Variants in METTL21A observed in about 807,000 individuals in gnomAD.
The protein encoded by METTL21A is protein N-lysine methyltransferase METTL21A.
A neutral mutation model predicts 20.9 loss-of-function variants in METTL21A; 22 were observed. That is an observed-to-expected ratio of 1.05 (90% CI 0.75 to 1.50). The LOEUF (loss-of-function observed/expected upper bound fraction) is 1.50, where lower values mean the gene tolerates loss of function less well. Ranked by LOEUF, METTL21A falls within the 40% of genes most tolerant of loss-of-function variation. The pLI, the probability that METTL21A is intolerant of heterozygous loss-of-function variation, is 0.00. For synonymous variants in METTL21A, 93 were observed against 102.0 expected (o/e 0.91, Z 0.53); for missense variants, 271 against 266.8 (o/e 1.02, Z -0.11).
At chr2:207,613,127 A>G (rs2089196920) in exon 4 of METTL21A, 2 of 1,612,178 alleles carry the variant, frequency 1.2e-6, no homozygotes, top group Non-Finnish European at 8.5e-7. Flanking sequence ...CCTTTCTCAC[A>G]GTAAATTGCC....
chr2:207,593,718 ACT>A (rs2085526451), intron 3 of METTL21A, among the ~76,000 whole-genome samples: 2 of 126,528 alleles, frequency 1.6e-5, no homozygotes, highest in African/African-American at 6.0e-5. Context: ...ATCCTCACAA[ACT>A]TTTTTTTTTT....
intron 3 of METTL21A, among the ~76,000 whole-genome samples, chr2:207,593,783 A>G (rs913695419): frequency 1.4e-5 from 2 of 140,662 alleles, no homozygotes; most frequent in Non-Finnish European, 3.0e-5. Flanking sequence ...CAGTGGCGCT[A>G]TCTTGGCTCA....
intron 3 of METTL21A, chr2:207,620,815 A>G: frequency 1.1e-6 from 1 of 872,290 alleles, no homozygotes; most frequent in South Asian, 1.8e-5. Context: ...AAATAGTGAA[A>G]AAGTATTGGG....
chr2:207,587,333 C>T (rs974851522), intron 3 of METTL21A, among the ~76,000 whole-genome samples: 3 of 150,054 alleles, frequency 2.0e-5, no homozygotes, highest in African/African-American at 7.4e-5. Flanking sequence ...GCAGAGCTTG[C>T]AGTGAGCCGA....
At chr2:207,585,602 G>A (rs1231415855) in intron 3 of METTL21A, among the ~76,000 whole-genome samples, 3 of 152,158 alleles carry the variant, frequency 2.0e-5, no homozygotes, top group East Asian at 3.8e-4. Flanking sequence ...TCAATAAAAT[G>A]CCTGAAAAGG....
chr2:207,612,325 CCTGACCTCAGGTGAT>C (rs1463169665), downstream of METTL21A: 2 of 151,884 alleles, frequency 1.3e-5, no homozygotes, highest in African/African-American at 2.4e-5. Flanking sequence ...GTCTTGAACT[CCTGACCTCAGGTGAT>C]CTGCCCGCCT....
chr2:207,608,909 G>A (rs764426607), downstream of METTL21A, among the ~76,000 whole-genome samples: 1 of 152,358 alleles, frequency 6.6e-6, no homozygotes, highest in African/African-American at 2.4e-5. Flanking sequence ...CTGGGTGACA[G>A]AGCGAATATG....
intron 3 of METTL21A, among the ~76,000 whole-genome samples, chr2:207,616,653 T>G (rs1367066988): frequency 6.6e-6 from 1 of 152,180 alleles, no homozygotes. Context: ...GAGACCAGCC[T>G]GGCCAACATG....
At chr2:207,606,866 A>G (rs1230344220), downstream of METTL21A, among the ~76,000 whole-genome samples, 1 of 152,234 alleles carries the variant, frequency 6.6e-6, no homozygotes, top group African/African-American at 2.4e-5. Context: ...AATAGCAATT[A>G]AATGGTATTA....
At chr2:207,605,926 T>TGA (rs1559102699), downstream of METTL21A, among the ~76,000 whole-genome samples, 1 of 152,248 alleles carries the variant, frequency 6.6e-6, no homozygotes, top group Non-Finnish European at 1.5e-5. Context: ...TGATTACTAT[T>TGA]TTTATGTCAA....
At chr2:207,581,873 G>A (rs1288882701) in exon 4 of METTL21A, 1 of 702,626 alleles carries the variant, frequency 1.4e-6, no homozygotes, top group African/African-American at 1.7e-5. Context: ...GTCTTTGATG[G>A]CCTTGTAACT....
At chr2:207,594,879 A>G (rs1297484373) in intron 3 of METTL21A, among the ~76,000 whole-genome samples, 3 of 151,754 alleles carry the variant, frequency 2.0e-5, no homozygotes, top group African/African-American at 4.8e-5. Context: ...CTCATCAACA[A>G]TGGGTATTTT....
At chr2:207,599,690 G>C (rs35836086) in intron 3 of METTL21A, 2 of 196,636 alleles carry the variant, frequency 1.0e-5, no homozygotes, top group Admixed American at 6.1e-5. Flanking sequence ...CTTTTGTGCA[G>C]TTTTCTTTTT....
chr2:207,623,785 G>A (rs2090789253), intron 2 of METTL21A, among the ~76,000 whole-genome samples: 3 of 152,146 alleles, frequency 2.0e-5, no homozygotes, highest in South Asian at 4.1e-4. Flanking sequence ...CCCAGGAAGC[G>A]GAGGCTGCAT....
chr2:207,605,953 AT>A (rs894181428), downstream of METTL21A, among the ~76,000 whole-genome samples: 1 of 152,134 alleles, frequency 6.6e-6, no homozygotes, highest in African/African-American at 2.4e-5. Context: ...CAGTCTAGGC[AT>A]TTTTTTCTGG....
At chr2:207,580,921 TTACATC>T (rs746820169), downstream of METTL21A, 64 of 217,566 alleles carry the variant, frequency 2.9e-4, no homozygotes, top group Non-Finnish European at 4.6e-4. Flanking sequence ...TTGGTGAACG[TTACATC>T]TACTCGTGAT....
chr2:207,613,078 C>T, exon 4 of METTL21A: 1 of 1,582,070 alleles, frequency 6.3e-7, no homozygotes, highest in South Asian at 1.2e-5. Flanking sequence ...CTCTTCTGTG[C>T]TTCGTAAATA....
chr2:207,603,098 ATAAC>A (rs1169659140), intron 3 of METTL21A: 30 of 211,010 alleles, frequency 1.4e-4, no homozygotes, highest in Non-Finnish European at 2.1e-4. Context: ...TACTAAATAA[ATAAC>A]TATAATGAGG....
intron 3 of METTL21A, chr2:207,602,577 G>A (rs999287284): frequency 4.7e-6 from 1 of 211,506 alleles, no homozygotes; most frequent in Non-Finnish European, 9.6e-6. Context: ...TTAAAAATTG[G>A]TAGGGAGGAA....
Sources: allele counts gnomAD v4.1 joint callset (sites outside exome capture counted in the v4.1 genomes callset), GRCh38; gene constraint gnomAD v4.1.1; transcripts MANE v1.5; gene names NCBI Gene and HGNC (gene_info 2026-07-23, HGNC 2026-07-21).